The following ARHGAP1 variants were observed in gnomAD, a reference collection of about 807,000 sequenced individuals.
The protein encoded by ARHGAP1 is rho GTPase-activating protein 1.
Under a neutral mutation model 52.2 loss-of-function variants are expected in ARHGAP1, and 23 were observed. The ratio of observed to expected loss-of-function variants is 0.44; its 90% CI spans 0.32 to 0.62. The LOEUF (loss-of-function observed/expected upper bound fraction) is 0.62, where lower values mean the gene tolerates loss of function less well. ARHGAP1 is among the 20% of genes least tolerant of loss of function. The pLI is 0.05. For missense variants in ARHGAP1, 480 were observed against 560.9 expected, an observed-to-expected ratio of 0.86 and a Z score of 1.46; for synonymous variants, 210 against 228.4, an observed-to-expected ratio of 0.92 and a Z score of 0.73.
rs186966152 is a variant in ARHGAP1 at position 46,678,956 on chromosome 11, G to A, written c.*81C>T. The A allele has an allele frequency of 6.7e-5, 98 of 1,464,412 alleles. No homozygotes were observed. The East Asian group carries it at 2.1e-3, about 31-fold the overall frequency. The allele number at this position is 1,464,412 out of a possible 1,614,324, so 90.7% of individuals were successfully genotyped here. A position where few individuals can be genotyped will look rare whatever the true frequency, so the allele number is the denominator to read the frequency against. On this transcript the variant is annotated 3_prime_UTR_variant, in exon 13 of 13. Transcript: ENST00000311956. Reference sequence around the variant, plus strand: ...GGTGGCTCCAACATCTCTCTCCAGGGGGCTTCATGGCCCCTGATGCCAGGA... The same window carrying A: ...GGTGGCTCCAACATCTCTCTCCAGGAGGCTTCATGGCCCCTGATGCCAGGA...
At position 46,680,462 on chromosome 11, in the gene ARHGAP1, G is replaced by T. The variant is rs748785596; in HGVS notation, c.820+25C>A. The T allele has an allele frequency of 3.0e-5, 48 of 1,612,512 alleles. No homozygotes were observed. The highest frequency in any genetic ancestry group is 3.7e-5 in the Non-Finnish European group (44 of 1,179,032). ...TGAAGGGAGCCGGGAGACCTGGCTG[G>T]TGAGGAGGCAGGCCCGGCACTCACC... On this transcript the variant is annotated intron_variant, in intron 9 of 12. Transcript: ENST00000311956. This position sits in a 1 kb window ranked among gnomAD's most constrained non-coding sequence, Gnocchi z 5.9.
chr11:46,699,080 A>T lies in ARHGAP1; in HGVS notation c.-50+1471T>A, dbSNP rs2064678902. ...AAAATCTTAAGGATCACCTTAGGCA[A>T]TCACTTTTAGGAAGTTGTAGACTTT... On this transcript the variant is annotated intron_variant, in intron 1 of 12. Coordinates refer to ENST00000311956, the MANE Select transcript of ARHGAP1 (RefSeq NM_004308.5). Among the ~76,000 whole-genome samples the T allele has an allele frequency of 6.0e-5, 9 of 150,138 alleles. No homozygotes were observed. In the South Asian group the frequency reaches 1.9e-3, roughly 31 times the overall value.
Position 46,681,485 on chromosome 11 carries a change from A to C in ARHGAP1, c.450-106T>G. On this transcript the variant is annotated intron_variant, in intron 5 of 12. Transcript: ENST00000311956. This position sits in a 1 kb window ranked among gnomAD's most constrained non-coding sequence, Gnocchi z 5.7. Reference sequence around the variant, plus strand: ...TTTTGAGACAGAGTCTCCTTCACCCAGGCTGGAGTGTGATCTCAGCTCATT... The same window carrying C: ...TTTTGAGACAGAGTCTCCTTCACCCCGGCTGGAGTGTGATCTCAGCTCATT... The C allele has an allele frequency of 1.2e-6, 1 of 816,618 alleles. No individual in the cohort carries two copies. The highest frequency in any genetic ancestry group is 2.1e-6 in the Non-Finnish European group (1 of 476,700). 50.6% of individuals were successfully genotyped at this position (816,618 alleles called of 1,614,324 possible).
intron 3 of ARHGAP1, 163 bp downstream of exon 3, chr11:46,695,497 G>A: frequency 1.3e-6 from 1 of 750,310 alleles, no homozygotes; most frequent in East Asian, 2.7e-5. Context: ...CAAACCCAGG[G>A]CTTTCTGACT....
In ARHGAP1 at chr11:46,680,465, A is replaced by G. The variant is rs981832521; in HGVS notation, c.820+22T>C. The G allele has an allele frequency of 2.5e-6, 4 of 1,612,718 alleles. No individual in the cohort carries two copies. Among genetic ancestry groups the G allele is most frequent in the Non-Finnish European group, 3.4e-6 (4 of 1,179,184 alleles). On this transcript the variant is annotated intron_variant, in intron 9 of 12. Coordinates refer to ENST00000311956, the MANE Select transcript of ARHGAP1 (RefSeq NM_004308.5). The surrounding 1 kb of genome is among the most constrained non-coding windows in gnomAD (Gnocchi z 5.9). ...AGGGAGCCGGGAGACCTGGCTGGTGAGGAGGCAGGCCCGGCACTCACCGTG... is the reference window on the plus strand; with the variant it reads ...AGGGAGCCGGGAGACCTGGCTGGTGGGGAGGCAGGCCCGGCACTCACCGTG...
Position 46,679,759 on chromosome 11 carries a change from C to T in ARHGAP1, c.916G>A (p.Asp306Asn), listed in dbSNP as rs139115484. The T allele has an allele frequency of 1.4e-5, 23 of 1,613,548 alleles. No individual in the cohort carries two copies. The highest frequency in any genetic ancestry group is 9.3e-5 in the African/African-American group (7 of 74,890). The change falls in exon 11 of 13, where the codon GAC becomes AAC. Residue 306 changes from aspartate (D) to asparagine (N), a missense_variant. Coordinates refer to ENST00000311956, the MANE Select transcript of ARHGAP1 (RefSeq NM_004308.5). This position sits in a 1 kb window ranked among gnomAD's most constrained non-coding sequence, Gnocchi z 4.4. ...GGCAGGTGCAGCTCATTGTACTGGT[C>T]GAAATCCACAGGCAGCCCTGGGGTG... ...KYNMGLPVDF[D>N]QYNELHLPAV... is the part of the protein sequence containing the mutation.
chr11:46,686,530 C>T (rs531211207), intron 4 of ARHGAP1, among the ~76,000 whole-genome samples: 224 of 151,260 alleles, frequency 1.5e-3, no homozygotes, highest in Non-Finnish European at 2.5e-3. Context: ...GCCATTCTGC[C>T]TCAGCCTCCT....
chr11:46,682,291 G>T, intron 4 of ARHGAP1, 109 bp from the exon 5 acceptor site: 1 of 1,437,944 alleles, frequency 7.0e-7, no homozygotes, highest in South Asian at 1.3e-5. Context: ...CTTCCCCACA[G>T]GCCCTCCCCT....
intron 3 of ARHGAP1, among the ~76,000 whole-genome samples, chr11:46,690,232 A>C (rs944185720): frequency 1.6e-4 from 25 of 151,838 alleles, no homozygotes; most frequent in African/African-American, 5.8e-4. Context: ...CACACAAAAA[A>C]AAAAATTAGC....
At position 46,681,991 on chromosome 11, in the gene ARHGAP1, G is replaced by A. The variant is rs896605258; in HGVS notation, c.449+60C>T. 49 of 1,604,994 alleles carry A rather than the reference G, an allele frequency of 3.1e-5. No individual in the cohort carries two copies. The highest frequency in any genetic ancestry group is 3.9e-5 in the Non-Finnish European group (46 of 1,174,916). ...CTCCTGCCCAAGTGGAGGGCAGCCC[G>A]GAAGCTGGCAGAGCCGCTGCCTCTG... On this transcript the variant is annotated intron_variant, in intron 5 of 12. Transcript: ENST00000311956. This position sits in a 1 kb window ranked among gnomAD's most constrained non-coding sequence, Gnocchi z 5.7.
rs868476555 is a variant in ARHGAP1 at position 46,679,952 on chromosome 11, G to A, written c.899-176C>T. The A allele has an allele frequency of 2.5e-5, 29 of 1,160,508 alleles. No individual in the cohort carries two copies. The East Asian group carries it at 3.6e-4, about 14-fold the overall frequency. 71.9% of individuals were successfully genotyped at this position (1,160,508 alleles called of 1,614,324 possible). ...TCTGTGATCAGAGAATGCAGGTTCC[G>A]GCCATCTGGGGAAGTGGGGCCCGGC... is the stretch of plus-strand genomic sequence containing the variant. On this transcript the variant is annotated intron_variant, in intron 10 of 12. Coordinates refer to ENST00000311956, the MANE Select transcript of ARHGAP1 (RefSeq NM_004308.5). The surrounding 1 kb of genome is among the most constrained non-coding windows in gnomAD (Gnocchi z 4.4).
In ARHGAP1 at chr11:46,679,308, GGCGGCAGCTC is replaced by G; in HGVS notation, c.1131+47_1131+56del. 3.7e-6 allele frequency: 6 copies of G among 1,605,970 alleles called. No individual in the cohort carries two copies. Among genetic ancestry groups the G allele is most frequent in the Non-Finnish European group, 5.1e-6 (6 of 1,173,896 alleles). On this transcript the variant is annotated intron_variant, in intron 12 of 12. Transcript: ENST00000311956. This position sits in a 1 kb window ranked among gnomAD's most constrained non-coding sequence, Gnocchi z 4.4. Reference sequence around the variant, plus strand: ...GCAACAATGACCAGGGCGCAGAGGAGGCGGCAGCTCCTCCTTCCCCCTCCCTTCACCCCAG... The same window carrying G: ...GCAACAATGACCAGGGCGCAGAGGAGCTCCTTCCCCCTCCCTTCACCCCAG...
At position 46,680,111 on chromosome 11, in the gene ARHGAP1, G is replaced by A; in HGVS notation, c.898+94C>T. Reference sequence around the variant, plus strand: ...GCCACGGAAACCTCCAGCAGGAAGAGACTCTGAGACTCTCATTTACAGGGC... The same window carrying A: ...GCCACGGAAACCTCCAGCAGGAAGAAACTCTGAGACTCTCATTTACAGGGC... On this transcript the variant is annotated intron_variant, in intron 10 of 12. Transcript: ENST00000311956. This position sits in a 1 kb window ranked among gnomAD's most constrained non-coding sequence, Gnocchi z 5.9. 1 of 1,401,846 alleles carries A rather than the reference G, an allele frequency of 7.1e-7. No homozygotes were observed. The highest frequency in any genetic ancestry group is 1.2e-5 in the South Asian group (1 of 86,454). 86.8% of individuals were successfully genotyped at this position (1,401,846 alleles called of 1,614,324 possible). A position where few individuals can be genotyped will look rare whatever the true frequency, so the allele number is the denominator to read the frequency against.
chr11:46,682,225 G>A (rs965825450), intron 4 of ARHGAP1, 43 bp from the exon 5 acceptor site: 3 of 1,606,136 alleles, frequency 1.9e-6, no homozygotes, highest in Non-Finnish European at 2.6e-6. Flanking sequence ...TGTGCACAGG[G>A]GCGGCCCCAC....
chr11:46,690,617 G>T (rs185957925), intron 3 of ARHGAP1, among the ~76,000 whole-genome samples: 1 of 152,146 alleles, frequency 6.6e-6, no homozygotes, highest in East Asian at 1.9e-4. Context: ...AGATATTCTA[G>T]GGCCCCCACC....
intron 3 of ARHGAP1, among the ~76,000 whole-genome samples, chr11:46,689,662 T>A (rs1358928409): frequency 6.6e-6 from 1 of 152,100 alleles, no homozygotes; most frequent in Non-Finnish European, 1.5e-5. Flanking sequence ...TGCCTCAGCT[T>A]CCCGAGTAGC....
intron 3 of ARHGAP1, among the ~76,000 whole-genome samples, chr11:46,692,056 A>G (rs1387053028): frequency 1.3e-5 from 2 of 152,236 alleles, no homozygotes; most frequent in Non-Finnish European, 2.9e-5. Flanking sequence ...TTGAAGGACC[A>G]GGTGGTACCT....
Position 46,680,290 on chromosome 11 carries a change from A to G in ARHGAP1, c.821-8T>C. ...TGCCCTCGGTGGTGAGAGCTGGGAA[A>G]CAGTAGGGCCTGGTGAGCCTCCGAG... On this transcript the variant is annotated splice_region_variant and splice_polypyrimidine_tract_variant and intron_variant, in intron 9 of 12. Coordinates refer to ENST00000311956, the MANE Select transcript of ARHGAP1 (RefSeq NM_004308.5). This position sits in a 1 kb window ranked among gnomAD's most constrained non-coding sequence, Gnocchi z 5.9. 2 of 1,613,998 alleles carry G rather than the reference A, an allele frequency of 1.2e-6. No homozygotes were observed. Among genetic ancestry groups the G allele is most frequent in the East Asian group, 2.2e-5 (1 of 44,868 alleles).
Position 46,681,159 on chromosome 11 carries a change from C to T in ARHGAP1, c.537-50G>A, listed in dbSNP as rs771844979. The T allele has an allele frequency of 7.0e-6, 11 of 1,570,248 alleles. No individual in the cohort carries two copies. The highest frequency in any genetic ancestry group is 7.9e-6 in the Non-Finnish European group (9 of 1,140,360). ...GTTGTGGGGGCCCGCTTCCGGTGGC[C>T]TCCACTCTCCCCTCAACACCCACCC... On this transcript the variant is annotated intron_variant, in intron 6 of 12. Transcript: ENST00000311956. The surrounding 1 kb of genome is among the most constrained non-coding windows in gnomAD (Gnocchi z 5.7).
Sources: gnomAD v4.1 joint callset for allele counts (sites outside exome capture counted in the v4.1 genomes callset) on GRCh38, gnomAD v4.1.1 for gene constraint, Gnocchi (gnomAD v3.1) non-coding constraint, MANE v1.5 for transcripts, NCBI Gene and HGNC (gene_info 2026-07-23, HGNC 2026-07-21) for gene names.